The following PRR16 variants were observed in gnomAD, a reference collection of about 807,000 sequenced individuals.
PRR16 encodes the protein protein Largen.
A neutral mutation model predicts 18.2 loss-of-function variants in PRR16; 6 were observed. The ratio of observed to expected loss-of-function variants is 0.33; its 90% CI spans 0.18 to 0.65. PRR16 has a LOEUF of 0.65. Among genes scored for constraint, PRR16 ranks in the 30% least tolerant of loss-of-function variants. PRR16 has a pLI of 0.74. For missense variants in PRR16, 412 were observed against 376.6 expected (o/e 1.09, Z -0.78); for synonymous variants, 151 against 147.8 (o/e 1.02, Z -0.16).
the PRR16 span, among the ~76,000 whole-genome samples, chr5:120,742,401 C>G: frequency 6.6e-6 from 1 of 150,666 alleles, no homozygotes; most frequent in East Asian, 1.9e-4. Flanking sequence ...ACATTCAAAA[C>G]TTTTGATATT....
At chr5:120,780,908 G>A in the PRR16 span, among the ~76,000 whole-genome samples, 9 of 152,064 alleles carry the variant, frequency 5.9e-5, no homozygotes, top group Non-Finnish European at 1.2e-4. Flanking sequence ...AAATTAGTTG[G>A]GCGTGGTGGC....
intron 1 of PRR16, among the ~76,000 whole-genome samples, chr5:120,581,512 A>G (rs1264674606): frequency 1.6e-4 from 23 of 142,894 alleles, no homozygotes; most frequent in East Asian, 2.4e-4. Flanking sequence ...CCGTGAATCT[A>G]TCTCCTTCAA....
chr5:120,533,744 C>T (rs900927996), intron 1 of PRR16, among the ~76,000 whole-genome samples: 12 of 152,110 alleles, frequency 7.9e-5, no homozygotes, highest in Non-Finnish European at 1.0e-4. Context: ...AGAGTCTGTC[C>T]GCTGGCTGTT....
At chr5:120,668,463 T>C (rs1756474171) in intron 1 of PRR16, among the ~76,000 whole-genome samples, 2 of 151,556 alleles carry the variant, frequency 1.3e-5, no homozygotes, top group African/African-American at 2.4e-5. Flanking sequence ...CATTTAAAGT[T>C]AATATTGTTA....
chr5:120,701,841 G>A, the PRR16 span, among the ~76,000 whole-genome samples: 562 of 152,262 alleles, frequency 3.7e-3, 3 homozygotes, highest in Non-Finnish European at 6.2e-3. Flanking sequence ...ACCTCAGACC[G>A]TTTGCCTATT....
At chr5:120,579,433 G>A (rs1415373622) in intron 1 of PRR16, among the ~76,000 whole-genome samples, 1 of 152,120 alleles carries the variant, frequency 6.6e-6, no homozygotes, top group African/African-American at 2.4e-5. Context: ...TTTGTATAAG[G>A]TGTAAGGGAG....
chr5:120,677,909 T>TG (rs201991059), intron 1 of PRR16, among the ~76,000 whole-genome samples: 1 of 129,816 alleles, frequency 7.7e-6, no homozygotes, highest in Non-Finnish European at 1.6e-5. Flanking sequence ...TTCTTTCTTT[T>TG]TTTTTTTTTT....
the PRR16 span, among the ~76,000 whole-genome samples, chr5:120,715,316 C>A: frequency 3.9e-5 from 6 of 152,152 alleles, no homozygotes; most frequent in Admixed American, 2.0e-4. Flanking sequence ...GCACAAAGCA[C>A]TGTGGAAAAG....
chr5:120,642,048 A>G (rs1340377171), intron 1 of PRR16, among the ~76,000 whole-genome samples: 3 of 151,884 alleles, frequency 2.0e-5, no homozygotes, highest in Admixed American at 6.6e-5. Context: ...CATCTAATCA[A>G]TCACCAAGTC....
At chr5:120,633,356 T>C (rs188770324) in intron 1 of PRR16, among the ~76,000 whole-genome samples, 24 of 152,236 alleles carry the variant, frequency 1.6e-4, no homozygotes, top group African/African-American at 5.1e-4. Context: ...ATGAATAGAA[T>C]AGTACCTCAC....
the PRR16 span, among the ~76,000 whole-genome samples, chr5:120,793,842 C>T: frequency 1.2e-3 from 189 of 152,170 alleles, no homozygotes; most frequent in African/African-American, 4.3e-3. Flanking sequence ...GCCTATTTTG[C>T]TTGCAGGGCA....
the PRR16 span, among the ~76,000 whole-genome samples, chr5:120,794,575 T>C: frequency 1.3e-5 from 2 of 152,174 alleles, no homozygotes; most frequent in African/African-American, 2.4e-5. Context: ...TAAATGTGTG[T>C]GTTTTGACTG....
At chr5:120,501,905 G>A (rs1006292602) in intron 1 of PRR16, among the ~76,000 whole-genome samples, 2 of 135,454 alleles carry the variant, frequency 1.5e-5, no homozygotes, top group Non-Finnish European at 3.0e-5. Context: ...GCAGTGAGCC[G>A]AGATCGCGCC....
chr5:120,668,083 G>A (rs186435581), intron 1 of PRR16, among the ~76,000 whole-genome samples: 333 of 152,238 alleles, frequency 2.2e-3, no homozygotes, highest in Non-Finnish European at 3.9e-3. Flanking sequence ...TATTGTGTGG[G>A]AGTCTAAGTC....
At chr5:120,493,067 G>A (rs1184493127) in intron 1 of PRR16, among the ~76,000 whole-genome samples, 1 of 152,144 alleles carries the variant, frequency 6.6e-6, no homozygotes, top group Admixed American at 6.5e-5. Flanking sequence ...CTTTTGGATA[G>A]ATACAGAGCA....
At chr5:120,657,813 A>G (rs767941333) in intron 1 of PRR16, among the ~76,000 whole-genome samples, 6 of 151,884 alleles carry the variant, frequency 4.0e-5, no homozygotes, top group Non-Finnish European at 5.9e-5. Context: ...TCCCCCACCT[A>G]TTGCCTCCCA....
the PRR16 span, among the ~76,000 whole-genome samples, chr5:120,735,642 G>A: frequency 6.9e-6 from 1 of 144,492 alleles, no homozygotes; most frequent in African/African-American, 2.5e-5. Flanking sequence ...CAAGTCCTTT[G>A]CCCAGTTTTT....
chr5:120,691,678 G>A (rs1319266818), downstream of PRR16, among the ~76,000 whole-genome samples: 3 of 152,008 alleles, frequency 2.0e-5, no homozygotes, highest in African/African-American at 7.3e-5. Context: ...TCTAATAAAA[G>A]CATTTCTATA....
intron 1 of PRR16, among the ~76,000 whole-genome samples, chr5:120,559,907 T>C (rs1752524134): frequency 6.6e-6 from 1 of 151,856 alleles, no homozygotes; most frequent in African/African-American, 2.4e-5. Context: ...ATGGCTATTG[T>C]AAAATAGATA....
Sources: gnomAD v4.1 joint callset for allele counts (sites outside exome capture counted in the v4.1 genomes callset) on GRCh38, gnomAD v4.1.1 for gene constraint, MANE v1.5 for transcripts, NCBI Gene and HGNC (gene_info 2026-07-23, HGNC 2026-07-21) for gene names.